NALF1: variants seen among roughly 807,000 people sequenced by gnomAD.
The protein encoded by NALF1 is family with sequence similarity 155 member A.
In NALF1, 3 loss-of-function variants were observed where a neutral mutation model predicts 48.4. The ratio of observed to expected loss-of-function variants is 0.06; its 90% CI spans 0.03 to 0.16. The LOEUF is 0.16. Among genes scored for constraint, NALF1 ranks in the 10% least tolerant of loss-of-function variants. NALF1 has a pLI of 1.00. For missense variants in NALF1, 526 were observed against 571.5 expected, an observed-to-expected ratio of 0.92 and a Z score of 0.81; for synonymous variants, 262 against 245.7, an observed-to-expected ratio of 1.07 and a Z score of -0.62.
chr13:107,623,547 T>G (rs1181986430), intron 1 of NALF1, among the ~76,000 whole-genome samples: 1 of 152,220 alleles, frequency 6.6e-6, no homozygotes, highest in Non-Finnish European at 1.5e-5. Flanking sequence ...TCCCAAAGTC[T>G]TATATGAAAT....
At chr13:107,181,579 T>C (rs1193482402) in intron 2 of NALF1, among the ~76,000 whole-genome samples, 1 of 151,244 alleles carries the variant, frequency 6.6e-6, no homozygotes, top group Non-Finnish European at 1.5e-5. Flanking sequence ...AAAGTTTTTT[T>C]TTCAATTGTT....
chr13:107,685,528 T>C (rs1881413187), intron 1 of NALF1, among the ~76,000 whole-genome samples: 1 of 152,116 alleles, frequency 6.6e-6, no homozygotes. Flanking sequence ...TAAAATCTTT[T>C]TTAAAATGAT....
chr13:107,638,232 T>C (rs1880045349), intron 1 of NALF1, among the ~76,000 whole-genome samples: 1 of 141,738 alleles, frequency 7.1e-6, no homozygotes, highest in Non-Finnish European at 1.6e-5. Context: ...TTGGGAGATA[T>C]TATTTAAGAT....
intron 1 of NALF1, among the ~76,000 whole-genome samples, chr13:107,293,768 G>T (rs1432620756): frequency 6.6e-6 from 1 of 152,150 alleles, no homozygotes; most frequent in Non-Finnish European, 1.5e-5. Context: ...TTTGCAAGAA[G>T]TACCTTCCAT....
At position 107,190,387 on chromosome 13, in the gene NALF1, A is replaced by G. The variant is rs368971565; in HGVS notation, c.1088-19601T>C. Among the ~76,000 whole-genome samples, 15 of 152,350 alleles carry G rather than the reference A, an allele frequency of 9.8e-5. No homozygotes were observed. In the East Asian group the frequency reaches 2.3e-3, roughly 24 times the overall value. On this transcript the variant is annotated intron_variant, in intron 2 of 2. Transcript: ENST00000375915. ...AATGTCTGTGTACACTCACGCATAC[A>G]CAGAACAAGCTAATGGCTTCAAGGC...
rs533799937 is a variant in NALF1 at position 107,238,082 on chromosome 13, A to G, written c.916-27327T>C. On this transcript the variant is annotated intron_variant, in intron 1 of 2. Transcript: ENST00000375915. ...CAGAGGTCTATAAAATGTACAAGCTAACCGTTTAAAATAAGGCTCAGTTTT... is the reference window on the plus strand; with the variant it reads ...CAGAGGTCTATAAAATGTACAAGCTGACCGTTTAAAATAAGGCTCAGTTTT... 7.2e-5 allele frequency among the ~76,000 whole-genome samples: 11 copies of G among 152,324 alleles called. No individual in the cohort carries two copies. The South Asian group carries it at 2.3e-3, about 32-fold the overall frequency.
At chr13:107,684,057 C>T (rs1881369700) in intron 1 of NALF1, among the ~76,000 whole-genome samples, 1 of 152,226 alleles carries the variant, frequency 6.6e-6, no homozygotes, top group Admixed American at 6.5e-5. Context: ...GGATTCAGGG[C>T]ACCTGCACCT....
chr13:107,720,128 AC>A (rs1566456472), intron 1 of NALF1, among the ~76,000 whole-genome samples: 1 of 152,104 alleles, frequency 6.6e-6, no homozygotes, highest in Non-Finnish European at 1.5e-5. Flanking sequence ...GGTGGCCTCC[AC>A]CCTACGAACT....
intron 1 of NALF1, among the ~76,000 whole-genome samples, chr13:107,498,076 C>A (rs1234450597): frequency 6.6e-6 from 1 of 152,026 alleles, no homozygotes; most frequent in Admixed American, 6.6e-5. Context: ...TGATGTTAGA[C>A]TAGATGAAAT....
At chr13:107,372,883 ACT>A (rs1380315819) in intron 1 of NALF1, among the ~76,000 whole-genome samples, 1 of 152,162 alleles carries the variant, frequency 6.6e-6, no homozygotes, top group Admixed American at 6.5e-5. Flanking sequence ...TATTAATCTA[ACT>A]CTCTTTTTCC....
intron 1 of NALF1, among the ~76,000 whole-genome samples, chr13:107,656,760 A>G (rs1880586616): frequency 6.6e-6 from 1 of 152,176 alleles, no homozygotes; most frequent in Non-Finnish European, 1.5e-5. Flanking sequence ...GACCAGCCCA[A>G]ATGTCTATCA....
At chr13:107,622,456 AAAC>A (rs1420827652) in intron 1 of NALF1, among the ~76,000 whole-genome samples, 94 of 90,700 alleles carry the variant, frequency 1.0e-3, no homozygotes, top group East Asian at 0.024. Context: ...ACAAACAAAC[AAAC>A]AACAACAACA....
At chr13:107,530,766 G>A (rs995975097) in intron 1 of NALF1, among the ~76,000 whole-genome samples, 24 of 152,152 alleles carry the variant, frequency 1.6e-4, no homozygotes, top group Admixed American at 5.9e-4. Flanking sequence ...CCAGAGCTGA[G>A]GCTAATCATT....
At chr13:107,627,740 T>C (rs1382616968) in intron 1 of NALF1, among the ~76,000 whole-genome samples, 2 of 152,082 alleles carry the variant, frequency 1.3e-5, no homozygotes, top group Non-Finnish European at 2.9e-5. Context: ...CCATAGGCTA[T>C]TATTAGAAAT....
intron 1 of NALF1, among the ~76,000 whole-genome samples, chr13:107,279,006 T>C (rs940300968): frequency 6.6e-6 from 1 of 151,336 alleles, no homozygotes; most frequent in African/African-American, 2.4e-5. Context: ...ACCCGTCTAT[T>C]CATTCATTCA....
At chr13:107,849,126 A>G (rs1303343295) in intron 1 of NALF1, among the ~76,000 whole-genome samples, 1 of 152,232 alleles carries the variant, frequency 6.6e-6, no homozygotes, top group African/African-American at 2.4e-5. Flanking sequence ...GATGACCATT[A>G]GGGATTTAGC....
intron 1 of NALF1, among the ~76,000 whole-genome samples, chr13:107,794,231 G>A (rs965488997): frequency 3.9e-5 from 6 of 152,098 alleles, no homozygotes; most frequent in African/African-American, 1.4e-4. Context: ...ACAGCTGCCT[G>A]CCACTTTTAC....
At chr13:107,828,146 C>A (rs1879575483) in intron 1 of NALF1, among the ~76,000 whole-genome samples, 1 of 152,112 alleles carries the variant, frequency 6.6e-6, no homozygotes, top group Non-Finnish European at 1.5e-5. Context: ...GCTTAAAGTG[C>A]CGGTAACACT....
intron 2 of NALF1, among the ~76,000 whole-genome samples, chr13:107,180,984 G>C (rs1879048481): frequency 6.6e-6 from 1 of 151,514 alleles, no homozygotes; most frequent in Admixed American, 6.6e-5. Flanking sequence ...AAAATAGCTT[G>C]TTTATAGGAT....
Sources: allele counts gnomAD v4.1 joint callset (sites outside exome capture counted in the v4.1 genomes callset), GRCh38; gene constraint gnomAD v4.1.1; transcripts MANE v1.5; gene names NCBI Gene and HGNC (gene_info 2026-07-23, HGNC 2026-07-21).